Variants in CDH2 observed in about 807,000 individuals in gnomAD.
CDH2 encodes the protein cadherin 2.
In CDH2, 17 loss-of-function variants were observed where a neutral mutation model predicts 92.0. The ratio of observed to expected loss-of-function variants is 0.18; its 90% CI spans 0.13 to 0.28. The LOEUF (loss-of-function observed/expected upper bound fraction) is 0.28, where lower values mean the gene tolerates loss of function less well. Ranked by LOEUF, CDH2 falls within the 10% of genes least tolerant of loss-of-function variation. The pLI, the probability that CDH2 is intolerant of heterozygous loss-of-function variation, is 1.00. For synonymous variants in CDH2, 419 were observed against 415.9 expected (o/e 1.01, Z -0.09); for missense variants, 862 against 1,133.1 (o/e 0.76, Z 3.44).
intron 2 of CDH2, among the ~76,000 whole-genome samples, chr18:28,131,002 G>A (rs893558838): frequency 3.3e-5 from 5 of 152,050 alleles, no homozygotes; most frequent in Non-Finnish European, 5.9e-5. Flanking sequence ...AATAAAAACA[G>A]CTCCTTACAC....
At chr18:28,041,099 A>G (rs1456807641) in intron 2 of CDH2, among the ~76,000 whole-genome samples, 1 of 152,218 alleles carries the variant, frequency 6.6e-6, no homozygotes, top group Non-Finnish European at 1.5e-5. Context: ...GGGGTCCACA[A>G]TGAGTATACA....
intron 14 of CDH2, among the ~76,000 whole-genome samples, chr18:27,972,969 T>A (rs1166679143): frequency 6.6e-6 from 1 of 152,096 alleles, no homozygotes; most frequent in Non-Finnish European, 1.5e-5. Context: ...ATGGACTACG[T>A]TAAAAAAGTG....
intron 1 of CDH2, among the ~76,000 whole-genome samples, chr18:28,166,602 T>C (rs777606609): frequency 2.2e-4 from 33 of 152,168 alleles, no homozygotes; most frequent in Non-Finnish European, 4.1e-4. Context: ...ATTACTTTTA[T>C]GGCAGCAAAA....
intron 1 of CDH2, among the ~76,000 whole-genome samples, chr18:28,150,234 A>G (rs1245521926): frequency 1.3e-5 from 2 of 152,246 alleles, no homozygotes; most frequent in Admixed American, 1.3e-4. Context: ...GCCGGAGCCC[A>G]GAAACGCCGT....
intron 1 of CDH2, among the ~76,000 whole-genome samples, chr18:28,159,932 C>T (rs1422716591): frequency 1.3e-5 from 2 of 152,212 alleles, no homozygotes; most frequent in African/African-American, 2.4e-5. Flanking sequence ...GCTGGGATTA[C>T]AGGCGTGAGC....
At chr18:28,122,093 G>C (rs1448813885) in intron 2 of CDH2, among the ~76,000 whole-genome samples, 1 of 152,034 alleles carries the variant, frequency 6.6e-6, no homozygotes, top group South Asian at 2.1e-4. Context: ...GAAAGTTTTA[G>C]GCTCCTTTCT....
At chr18:28,110,556 G>A (rs2015394548) in intron 2 of CDH2, among the ~76,000 whole-genome samples, 1 of 152,134 alleles carries the variant, frequency 6.6e-6, no homozygotes, top group African/African-American at 2.4e-5. Context: ...ACTCTGTTCT[G>A]CAAGCTACTG....
At chr18:27,982,904 A>T in intron 14 of CDH2, 40 bp downstream of exon 14, 5 of 1,410,870 alleles carry the variant, frequency 3.5e-6, no homozygotes, top group Non-Finnish European at 4.8e-6. Context: ...AATTTATACG[A>T]TCATAAAATT....
At chr18:28,171,554 T>A (rs2016464612) in intron 1 of CDH2, among the ~76,000 whole-genome samples, 2 of 152,278 alleles carry the variant, frequency 1.3e-5, no homozygotes, top group African/African-American at 4.8e-5. Context: ...AATTTTAAGT[T>A]TAAAATTCAG....
Position 27,985,546 on chromosome 18 carries a change from T to A in CDH2, c.1957A>T (p.Thr653Ser). The change falls in exon 12 of 16, where the codon ACC (threonine) becomes TCC (serine). Residue 653 changes from threonine to serine, a missense_variant. This residue lies in a region of CDH2 where 564 missense variants were observed against 722.2 expected (regional missense o/e 0.78). Transcript: ENST00000269141. The part of the protein sequence containing the change: ...LSPVTIKRNW[T>S]ITRLNGDFAQ... ...TTCTTACCATTAAGCCGAGTGATGGTCCAATTTCTCTTAATAGTCACTGGA... is the reference window on the plus strand; with the variant it reads ...TTCTTACCATTAAGCCGAGTGATGGACCAATTTCTCTTAATAGTCACTGGA... 6.2e-7 allele frequency: 1 copy of A among 1,610,162 alleles called. No individual in the cohort carries two copies. The highest frequency in any genetic ancestry group is 8.5e-7 in the Non-Finnish European group (1 of 1,176,432).
At chr18:28,166,002 A>G (rs570080289) in intron 1 of CDH2, among the ~76,000 whole-genome samples, 1 of 151,606 alleles carries the variant, frequency 6.6e-6, no homozygotes, top group East Asian at 1.9e-4. Flanking sequence ...AGTAAATTTC[A>G]GGTAAGTAAA....
At chr18:28,025,192 T>A (rs2013517472) in intron 2 of CDH2, among the ~76,000 whole-genome samples, 1 of 152,064 alleles carries the variant, frequency 6.6e-6, no homozygotes, top group South Asian at 2.1e-4. Context: ...TCTCTTGCAA[T>A]GGGTCTACAC....
intron 2 of CDH2, among the ~76,000 whole-genome samples, chr18:28,073,218 C>T (rs371818238): frequency 3.3e-5 from 5 of 152,022 alleles, no homozygotes; most frequent in African/African-American, 9.7e-5. Context: ...TTTACTACAT[C>T]GATAAATTTG....
chr18:28,168,594 G>C (rs2144366019), intron 1 of CDH2: 1 of 447,408 alleles, frequency 2.2e-6, no homozygotes, highest in East Asian at 1.6e-4. Flanking sequence ...AATTATTTTT[G>C]AGTACTTACC....
chr18:27,968,232 C>G (rs114837101), intron 14 of CDH2, among the ~76,000 whole-genome samples: 2,870 of 152,324 alleles, frequency 0.019, 88 homozygotes, highest in African/African-American at 0.066. Context: ...TTGATTACCA[C>G]AGCTCAGGGA....
intron 1 of CDH2, among the ~76,000 whole-genome samples, chr18:28,153,894 C>G (rs2016165915): frequency 6.6e-6 from 1 of 152,152 alleles, no homozygotes; most frequent in Non-Finnish European, 1.5e-5. Context: ...CGGTAGGTCT[C>G]AAACTTACTC....
chr18:28,020,831 G>A (rs926736193), intron 2 of CDH2, among the ~76,000 whole-genome samples: 3 of 152,026 alleles, frequency 2.0e-5, no homozygotes, highest in African/African-American at 4.8e-5. Flanking sequence ...ATAATGCATT[G>A]TTATTTATTT....
At chr18:28,019,548 G>A (rs531328498) in intron 2 of CDH2, among the ~76,000 whole-genome samples, 6 of 151,878 alleles carry the variant, frequency 4.0e-5, no homozygotes, top group African/African-American at 1.2e-4. Flanking sequence ...TGCAAAAAAC[G>A]CATTTGCAAA....
intron 2 of CDH2, among the ~76,000 whole-genome samples, chr18:28,047,660 A>T (rs1363870420): frequency 6.6e-6 from 1 of 152,060 alleles, no homozygotes; most frequent in African/African-American, 2.4e-5. Flanking sequence ...CGAGGTCAGG[A>T]GATCGAGACC....
Sources: gnomAD v4.1 joint callset for allele counts (sites outside exome capture counted in the v4.1 genomes callset) on GRCh38, gnomAD v4.1.1 for gene constraint, gnomAD v4.1.1 regional missense constraint, MANE v1.5 for transcripts, NCBI Gene and HGNC (gene_info 2026-07-23, HGNC 2026-07-21) for gene names.